CENPN: variants seen among roughly 807,000 people sequenced by gnomAD.
CENPN encodes the protein centromere protein N, also known as interphase centromere complex protein 32.
CENPN carries 36 observed loss-of-function variants against 48.6 expected under a neutral mutation model. The ratio of observed to expected loss-of-function variants is 0.74; its 90% CI spans 0.57 to 0.98. CENPN has a LOEUF of 0.98. CENPN is among the 50% of genes least tolerant of loss of function. CENPN has a pLI of 0.00. For synonymous variants in CENPN, 166 were observed against 135.2 expected, an observed-to-expected ratio of 1.23 and a Z score of -1.58; for missense variants, 439 against 399.2, an observed-to-expected ratio of 1.10 and a Z score of -0.85.
downstream of CENPN, among the ~76,000 whole-genome samples, chr16:81,031,707 C>T (rs9934659): frequency 0.016 from 2,462 of 152,270 alleles, 52 homozygotes; most frequent in African/African-American, 0.054. Context: ...CTTTATCCAA[C>T]GTCCTTGGTT....
chr16:81,007,321 T>A, intron 1 of CENPN, 44 bp downstream of exon 1: 1 of 152,382 alleles, frequency 6.6e-6, no homozygotes, highest in East Asian at 1.9e-4. Flanking sequence ...CCGGAGGGTG[T>A]GGGGCCTTGA....
chr16:81,026,052 G>GAT (rs71376379), intron 8 of CENPN, among the ~76,000 whole-genome samples: 2,214 of 132,808 alleles, frequency 0.017, 30 homozygotes, highest in Non-Finnish European at 0.024. Flanking sequence ...GTGCCATGGA[G>GAT]ATATATATAT....
intron 8 of CENPN, among the ~76,000 whole-genome samples, chr16:81,025,629 G>A (rs1264439112): frequency 6.6e-6 from 1 of 151,468 alleles, no homozygotes; most frequent in African/African-American, 2.4e-5. Flanking sequence ...AGGTTGAGGA[G>A]GGAAGATCAC....
Position 81,012,099 on chromosome 16 carries a change from C to T in CENPN, c.160C>T (p.His54Tyr). 6.2e-7 allele frequency: 1 copy of T among 1,613,998 alleles called. No homozygotes were observed. Among genetic ancestry groups the T allele is most frequent in the South Asian group, 1.1e-5 (1 of 91,076 alleles). The change falls in exon 2 of 11, where the codon CAT becomes TAT. Residue 54 changes from histidine to tyrosine, a missense_variant. By Grantham distance (83) the His-to-Tyr change is moderately conservative (BLOSUM62 2). Coordinates refer to ENST00000305850, the MANE Select transcript of CENPN (RefSeq NM_001100624.3). ...GGAATCTGTAGTTCAGCACTTGATC[C>T]ATCTGTGTGAGGTAACAGTGTTAAA... ...RKESVVQHLIHLCEEKRASIS... is the reference protein window; with the variant it reads ...RKESVVQHLIYLCEEKRASIS...
chr16:81,017,866 T>G, intron 5 of CENPN, 32 bp downstream of exon 5: 1 of 1,309,048 alleles, frequency 7.6e-7, no homozygotes, highest in Non-Finnish European at 1.1e-6. Context: ...TACATAAAAT[T>G]CAATGTCATG....
chr16:81,022,397 C>G, intron 6 of CENPN, 200 bp from the exon 7 acceptor site: 1 of 524,462 alleles, frequency 1.9e-6, no homozygotes, highest in East Asian at 3.2e-5. Flanking sequence ...ATACAAAAGA[C>G]TGCATTTATC....
rs1597100288 is a variant in CENPN at position 81,022,291 on chromosome 16, A to T, written c.532-306A>T. On this transcript the variant is annotated intron_variant, in intron 6 of 10. Transcript: ENST00000305850. ...GGTATTAGATGACTGATATTCAAAA[A>T]CAGTAACATTTTGAGTATTTATTGT... 1.3e-5 allele frequency: 4 copies of T among 302,754 alleles called. No homozygotes were observed. The East Asian group carries it at 3.2e-4, about 24-fold the overall frequency. 18.8% of individuals were successfully genotyped at this position (302,754 alleles called of 1,614,324 possible). A position where few individuals can be genotyped will look rare whatever the true frequency, so the allele number is the denominator to read the frequency against.
chr16:81,014,083 G>A (rs1305721443), intron 2 of CENPN, 53 bp from the exon 3 acceptor site: 2 of 1,481,338 alleles, frequency 1.4e-6, no homozygotes, highest in Admixed American at 1.7e-5. Flanking sequence ...TTTTAAACGG[G>A]ATAGAACCAA....
intron 6 of CENPN, 85 bp downstream of exon 6, chr16:81,020,361 T>G: frequency 7.6e-7 from 1 of 1,317,310 alleles, no homozygotes; most frequent in Non-Finnish European, 1.0e-6. Context: ...AATAAGTATT[T>G]GATAGAGAAT....
At chr16:81,027,363 C>T (rs1437413052) in intron 9 of CENPN, among the ~76,000 whole-genome samples, 3 of 152,096 alleles carry the variant, frequency 2.0e-5, no homozygotes, top group African/African-American at 7.2e-5. Flanking sequence ...TGGCATGTGG[C>T]TGTGGTCCCA....
chr16:81,013,852 T>C (rs1281246848), intron 2 of CENPN, among the ~76,000 whole-genome samples: 1 of 152,238 alleles, frequency 6.6e-6, no homozygotes, highest in African/African-American at 2.4e-5. Flanking sequence ...TTTAAAAATA[T>C]ACAGTTTAAT....
At chr16:81,022,562 A>T (rs1403647976) in intron 6 of CENPN, 35 bp from the exon 7 acceptor site, 1 of 1,538,584 alleles carries the variant, frequency 6.5e-7, no homozygotes, top group African/African-American at 1.4e-5. Context: ...AGAGGCAGTA[A>T]TCCTAGTAAT....
At chr16:81,026,457 G>T (rs1306496727) in intron 8 of CENPN, 69 bp from the exon 9 acceptor site, 1 of 693,688 alleles carries the variant, frequency 1.4e-6, no homozygotes, top group Non-Finnish European at 2.5e-6. Context: ...GGTTAGGAAT[G>T]AAAGGAGGAT....
intron 1 of CENPN, among the ~76,000 whole-genome samples, chr16:81,009,481 T>G (rs1342766187): frequency 6.6e-6 from 1 of 152,198 alleles, no homozygotes; most frequent in Non-Finnish European, 1.5e-5. Context: ...CGGGGCCTTG[T>G]AGACCATGGT....
intron 3 of CENPN, among the ~76,000 whole-genome samples, chr16:81,015,284 G>A (rs201994834): frequency 6.6e-6 from 1 of 152,152 alleles, no homozygotes; most frequent in Admixed American, 6.5e-5. Flanking sequence ...TGAGAACACA[G>A]GCCCTGGGGC....
intron 2 of CENPN, among the ~76,000 whole-genome samples, chr16:81,012,529 G>A (rs1365075596): frequency 6.6e-6 from 1 of 152,156 alleles, no homozygotes; most frequent in Non-Finnish European, 1.5e-5. Context: ...TATCAGAAAA[G>A]TTGCAAATTT....
At chr16:81,016,005 A>G (rs1271303755) in intron 3 of CENPN, among the ~76,000 whole-genome samples, 1 of 149,442 alleles carries the variant, frequency 6.7e-6, no homozygotes, top group African/African-American at 2.4e-5. Context: ...CTCTGTCTCA[A>G]AAAAAAAAAG....
chr16:81,022,796 G>T (rs955060665), intron 7 of CENPN, 98 bp downstream of exon 7: 5 of 1,613,810 alleles, frequency 3.1e-6, no homozygotes, highest in Non-Finnish European at 3.4e-6. Context: ...GACAAGAGGA[G>T]ATCATTTTAG....
At chr16:81,009,464 C>T (rs756046379) in intron 1 of CENPN, among the ~76,000 whole-genome samples, 3 of 152,246 alleles carry the variant, frequency 2.0e-5, no homozygotes, top group Non-Finnish European at 4.4e-5. Context: ...GCAGGGGCCA[C>T]GCAACACGGG....
Sources: allele counts gnomAD v4.1 joint callset (sites outside exome capture counted in the v4.1 genomes callset), GRCh38; gene constraint gnomAD v4.1.1; transcripts MANE v1.5; gene names NCBI Gene and HGNC (gene_info 2026-07-23, HGNC 2026-07-21).